The following SLC2A14 variants were observed in gnomAD, a reference collection of about 807,000 sequenced individuals.
SLC2A14 encodes solute carrier family 2 member 14.
In SLC2A14, 13 loss-of-function variants were observed where a neutral mutation model predicts 43.0. The observed-to-expected ratio is 0.30, with a 90% CI of 0.20 to 0.48. SLC2A14 has a LOEUF of 0.48. Ranked by LOEUF, SLC2A14 falls within the 20% of genes least tolerant of loss-of-function variation. The probability of loss-of-function intolerance (pLI) is 0.99; values close to 1 mark genes in which losing one functional copy is unlikely to be tolerated. For missense variants in SLC2A14, 428 were observed against 620.4 expected (o/e 0.69, Z 3.29); for synonymous variants, 190 against 233.8 (o/e 0.81, Z 1.71).
intron 2 of SLC2A14, among the ~76,000 whole-genome samples, chr12:7,857,737 G>A (rs1944330401): frequency 6.6e-6 from 1 of 152,038 alleles, no homozygotes. Flanking sequence ...TGTTGCCCAG[G>A]CTGGTCTTGA....
intron 1 of SLC2A14, among the ~76,000 whole-genome samples, chr12:7,886,750 G>T (rs771189944): frequency 2.0e-5 from 3 of 151,886 alleles, no homozygotes; most frequent in Non-Finnish European, 4.4e-5. Flanking sequence ...CAGTGTAGGG[G>T]ACCTAAGGCA....
At chr12:7,887,048 A>G (rs1945699689) in intron 1 of SLC2A14, among the ~76,000 whole-genome samples, 2 of 151,104 alleles carry the variant, frequency 1.3e-5, no homozygotes, top group South Asian at 4.2e-4. Context: ...AGTAGCTGGG[A>G]TTACAGGCAC....
chr12:7,853,049 T>C lies in SLC2A14; in HGVS notation c.18+16814A>G, dbSNP rs773597931. 3.9e-5 allele frequency among the ~76,000 whole-genome samples: 6 copies of C among 152,246 alleles called. No homozygotes were observed. The East Asian group carries it at 9.7e-4, about 25-fold the overall frequency. Reference sequence around the variant, plus strand: ...AAATGTTAATATCTGATAGCTTCAATTGGTTATTTGATTTCCGAATCCAAC... The same window carrying C: ...AAATGTTAATATCTGATAGCTTCAACTGGTTATTTGATTTCCGAATCCAAC... On this transcript the variant is annotated intron_variant, in intron 2 of 10. Coordinates refer to ENST00000431042, the MANE Select transcript of SLC2A14 (RefSeq NM_001286234.2).
chr12:7,814,871 C>T (rs1863295376), intron 10 of SLC2A14, among the ~76,000 whole-genome samples: 1 of 151,924 alleles, frequency 6.6e-6, no homozygotes, highest in African/African-American at 2.4e-5. Context: ...AGGATCTCGG[C>T]TCACTGCAAC....
chr12:7,819,237 C>CA (rs1246343288), intron 9 of SLC2A14, among the ~76,000 whole-genome samples: 1 of 151,750 alleles, frequency 6.6e-6, no homozygotes, highest in African/African-American at 2.4e-5. Flanking sequence ...AACAAACAAA[C>CA]AAAAGAATTA....
Position 7,813,096 on chromosome 12 carries a change from T to G in SLC2A14, c.*1220A>C, listed in dbSNP as rs780061081. The G allele has an allele frequency of 6.6e-6, 1 of 151,308 alleles. No individual in the cohort carries two copies. The highest frequency in any genetic ancestry group is 1.9e-4 in the East Asian group (1 of 5,168). 9.4% of individuals were successfully genotyped at this position (151,308 alleles called of 1,614,324 possible). On this transcript the variant is annotated 3_prime_UTR_variant, in exon 11 of 11. Coordinates refer to ENST00000431042, the MANE Select transcript of SLC2A14 (RefSeq NM_001286234.2). ...CGTGAGCCTAAAGCAACAACACACTTTAGATAATAATCGCTCAGAAAAAAA... is the reference window on the plus strand; with the variant it reads ...CGTGAGCCTAAAGCAACAACACACTGTAGATAATAATCGCTCAGAAAAAAA...
intron 2 of SLC2A14, among the ~76,000 whole-genome samples, chr12:7,838,104 T>C (rs929147378): frequency 8.9e-5 from 13 of 146,046 alleles, no homozygotes; most frequent in African/African-American, 3.0e-4. Flanking sequence ...TTTTTTTTTT[T>C]CGAGACAGAA....
chr12:7,829,227 C>T (rs1864783478), intron 5 of SLC2A14, among the ~76,000 whole-genome samples: 1 of 151,340 alleles, frequency 6.6e-6, no homozygotes. Context: ...CAAAACAAAA[C>T]AAAAGTTCAG....
upstream of SLC2A14, among the ~76,000 whole-genome samples, chr12:7,874,401 C>A (rs768826901): frequency 1.3e-4 from 20 of 152,044 alleles, no homozygotes; most frequent in African/African-American, 4.8e-4. Context: ...AGGCAGGATG[C>A]AGTGGCTCAT....
In SLC2A14 at chr12:7,814,333, T is replaced by C; in HGVS notation, c.1477A>G (p.Thr493Ala). The C allele has an allele frequency of 3.1e-6, 5 of 1,605,712 alleles. No individual in the cohort carries two copies. Among genetic ancestry groups the C allele is most frequent in the Non-Finnish European group, 2.6e-6 (3 of 1,175,934 alleles). ...GMNSIEPAKE[T>A]TTNV is the part of the protein sequence containing the mutation. The stretch of plus-strand genomic sequence containing the variant: ...GGCATGACTTAGACATTGGTGGTGG[T>C]CTCCTTAGCAGGCTCGATGCTGTTC... Residue 493 changes from threonine (T) to alanine (A), a missense_variant, in exon 11 of 11, where the codon ACC (threonine) becomes GCC (alanine). By Grantham distance (58) the Thr-to-Ala change is moderately conservative. Coordinates refer to ENST00000431042, the MANE Select transcript of SLC2A14 (RefSeq NM_001286234.2).
Position 7,869,947 on chromosome 12 carries a change from G to T in SLC2A14, c.-57-10C>A, listed in dbSNP as rs998497868. 15 of 1,502,946 alleles carry T rather than the reference G, an allele frequency of 1.0e-5. No individual in the cohort carries two copies. The highest frequency in any genetic ancestry group is 5.5e-5 in the African/African-American group (4 of 72,276). The allele number at this position is 1,502,946 out of a possible 1,614,324, so 93.1% of individuals were successfully genotyped here. A position where few individuals can be genotyped will look rare whatever the true frequency, so the allele number is the denominator to read the frequency against. On this transcript the variant is annotated splice_polypyrimidine_tract_variant and intron_variant, in intron 1 of 10. Transcript: ENST00000431042. Reference sequence around the variant, plus strand: ...TTCAAGGTACTGCTTCCTGTAAATTGTAATTGTCTAGTTATTCATTTACTC... The same window carrying T: ...TTCAAGGTACTGCTTCCTGTAAATTTTAATTGTCTAGTTATTCATTTACTC...
At chr12:7,880,690 C>CAAA (rs753621437) in intron 1 of SLC2A14, among the ~76,000 whole-genome samples, 25 of 65,108 alleles carry the variant, frequency 3.8e-4, no homozygotes, top group Admixed American at 1.1e-3. Context: ...AGCTGGGTCT[C>CAAA]AAAAAAAAAA....
chr12:7,881,339 G>A (rs761053294), intron 1 of SLC2A14, among the ~76,000 whole-genome samples: 1 of 152,108 alleles, frequency 6.6e-6, no homozygotes, highest in South Asian at 2.1e-4. Flanking sequence ...CGAGTTCCGG[G>A]TGGGTTTGGG....
intron 2 of SLC2A14, among the ~76,000 whole-genome samples, chr12:7,836,880 A>G (rs1256513734): frequency 2.0e-5 from 3 of 151,780 alleles, no homozygotes; most frequent in Non-Finnish European, 4.4e-5. Context: ...ATAAAAAGAA[A>G]CATATTGGCC....
intron 2 of SLC2A14, among the ~76,000 whole-genome samples, chr12:7,836,030 C>A (rs1265597155): frequency 1.3e-5 from 2 of 152,154 alleles, no homozygotes; most frequent in Non-Finnish European, 2.9e-5. Context: ...GCCTGTCCCA[C>A]TTTCACGAAG....
intron 2 of SLC2A14, among the ~76,000 whole-genome samples, chr12:7,862,849 C>G (rs1189501710): frequency 7.2e-5 from 11 of 152,052 alleles, no homozygotes; most frequent in African/African-American, 2.7e-4. Context: ...TGTGGAAACT[C>G]TGTATCTAAC....
intron 1 of SLC2A14, among the ~76,000 whole-genome samples, chr12:7,882,283 A>G (rs1035857735): frequency 6.6e-6 from 1 of 151,964 alleles, no homozygotes; most frequent in South Asian, 2.1e-4. Flanking sequence ...ACTCACCGTG[A>G]AGGTCTGCAG....
chr12:7,826,610 A>G (rs1405536990), intron 7 of SLC2A14, among the ~76,000 whole-genome samples: 1 of 152,120 alleles, frequency 6.6e-6, no homozygotes, highest in Non-Finnish European at 1.5e-5. Context: ...ATTGACTAGA[A>G]GGCACAGGAG....
chr12:7,837,791 T>C (rs2120830810), intron 2 of SLC2A14, among the ~76,000 whole-genome samples: 1 of 152,038 alleles, frequency 6.6e-6, no homozygotes, highest in Admixed American at 6.6e-5. Context: ...GGAGTCTCAC[T>C]CTGTTGTCCA....
Sources: allele counts gnomAD v4.1 joint callset (sites outside exome capture counted in the v4.1 genomes callset), GRCh38; gene constraint gnomAD v4.1.1; transcripts MANE v1.5; gene names NCBI Gene and HGNC (gene_info 2026-07-23, HGNC 2026-07-21).